The following GPHN variants were observed in gnomAD, a reference collection of about 807,000 sequenced individuals.
GPHN encodes gephyrin.
A neutral mutation model predicts 95.5 loss-of-function variants in GPHN; 17 were observed. The ratio of observed to expected loss-of-function variants is 0.18; its 90% CI spans 0.12 to 0.27. The LOEUF (loss-of-function observed/expected upper bound fraction) is 0.27. Ranked by LOEUF, GPHN falls within the 10% of genes least tolerant of loss-of-function variation. GPHN has a pLI of 1.00. For synonymous variants in GPHN, 320 were observed against 322.5 expected (o/e 0.99, Z 0.08); for missense variants, 660 against 978.1 (o/e 0.67, Z 4.34).
At chr14:67,417,141 G>A in the GPHN span, among the ~76,000 whole-genome samples, 11 of 152,326 alleles carry the variant, frequency 7.2e-5, no homozygotes, top group South Asian at 1.0e-3. Flanking sequence ...CTGCTCTTGA[G>A]TATGGGTTCT....
chr14:67,536,846 G>C, the GPHN span, among the ~76,000 whole-genome samples: 5 of 151,804 alleles, frequency 3.3e-5, no homozygotes, highest in African/African-American at 1.2e-4. Flanking sequence ...AGTTTGACCA[G>C]ACTGGCCAAC....
the GPHN span, among the ~76,000 whole-genome samples, chr14:67,412,488 T>C: frequency 1.3e-5 from 2 of 152,070 alleles, no homozygotes. Flanking sequence ...CTGAGCTCAT[T>C]GCAAGTAGGA....
chr14:67,589,484 G>A, the GPHN span: 1 of 984,840 alleles, frequency 1.0e-6, no homozygotes, highest in Non-Finnish European at 1.2e-6. Flanking sequence ...CACCATGACT[G>A]AAATACTATG....
At chr14:67,552,739 C>T in the GPHN span, among the ~76,000 whole-genome samples, 4 of 150,722 alleles carry the variant, frequency 2.7e-5, no homozygotes, top group African/African-American at 9.8e-5. Context: ...TGCACTCCAG[C>T]CTGGGCGACA....
the GPHN span, chr14:67,657,272 T>C: frequency 3.0e-4 from 45 of 152,252 alleles, 1 homozygote; most frequent in African/African-American, 1.1e-3. Flanking sequence ...CACTACCACA[T>C]TCTGGAAAAA....
chr14:67,316,797 A>AATAT, the GPHN span: 14 of 1,564,428 alleles, frequency 8.9e-6, no homozygotes, highest in Non-Finnish European at 1.1e-5. Context: ...TTTTATCTTA[A>AATAT]ATATTTTACC....
At chr14:66,518,931 A>G (rs1378824153) in intron 1 of GPHN, among the ~76,000 whole-genome samples, 1 of 152,042 alleles carries the variant, frequency 6.6e-6, no homozygotes, top group Non-Finnish European at 1.5e-5. Flanking sequence ...TTGTAGGGTG[A>G]CTATAGTTAA....
At chr14:67,572,283 C>A in the GPHN span, 1 of 1,588,362 alleles carries the variant, frequency 6.3e-7, no homozygotes, top group Non-Finnish European at 8.5e-7. Flanking sequence ...GCGGGGTGAG[C>A]CGGGAAACGG....
chr14:66,559,305 A>C lies in GPHN; in HGVS notation c.64+50714A>C, dbSNP rs1213028973. Among the ~76,000 whole-genome samples, 11 of 149,212 alleles carry C rather than the reference A, an allele frequency of 7.4e-5. No individual in the cohort carries two copies. The South Asian group carries it at 8.7e-4, about 12-fold the overall frequency. On this transcript the variant is annotated intron_variant, in intron 1 of 22. Coordinates refer to ENST00000478722, the MANE Select transcript of GPHN (RefSeq NM_020806.5). ...TATTTCTATTTCTAGATCCCTGAGGAATCACCACACTGACTTCCACAATGG... is the reference window on the plus strand; with the variant it reads ...TATTTCTATTTCTAGATCCCTGAGGCATCACCACACTGACTTCCACAATGG...
chr14:67,439,281 A>G, the GPHN span, among the ~76,000 whole-genome samples: 3 of 152,222 alleles, frequency 2.0e-5, no homozygotes, highest in Admixed American at 6.5e-5. Flanking sequence ...TTAGAATAGT[A>G]TCAGGAATGG....
At position 66,720,740 on chromosome 14, in the gene GPHN, C is replaced by G. The variant is rs187827046; in HGVS notation, c.143+39555C>G. Among the ~76,000 whole-genome samples the G allele has an allele frequency of 2.6e-5, 4 of 152,164 alleles. No individual in the cohort carries two copies. In the East Asian group the frequency reaches 7.7e-4, roughly 29 times the overall value. On this transcript the variant is annotated intron_variant, in intron 2 of 22. Coordinates refer to ENST00000478722, the MANE Select transcript of GPHN (RefSeq NM_020806.5). Reference sequence around the variant, plus strand: ...CTAGGCCAGGCATGGTGGCTTATGCCTGTAATCTCAGCATTTTTGGAGTCC... The same window carrying G: ...CTAGGCCAGGCATGGTGGCTTATGCGTGTAATCTCAGCATTTTTGGAGTCC...
At chr14:67,592,867 C>A in the GPHN span, 1 of 541,542 alleles carries the variant, frequency 1.8e-6, no homozygotes, top group South Asian at 2.2e-5. Flanking sequence ...CTCACTGCAA[C>A]CTCTACCTCC....
At chr14:67,207,396 T>TA in the GPHN span, among the ~76,000 whole-genome samples, 1 of 152,006 alleles carries the variant, frequency 6.6e-6, no homozygotes, top group East Asian at 1.9e-4. Context: ...CGCATCAACT[T>TA]AGAGTGAGAA....
chr14:67,672,385 C>T, the GPHN span, among the ~76,000 whole-genome samples: 2 of 151,726 alleles, frequency 1.3e-5, no homozygotes, highest in African/African-American at 2.4e-5. Flanking sequence ...TCCCCAAGTG[C>T]TGGGATTACA....
At chr14:67,687,330 A>C in the GPHN span, among the ~76,000 whole-genome samples, 1 of 151,940 alleles carries the variant, frequency 6.6e-6, no homozygotes, top group Non-Finnish European at 1.5e-5. Context: ...TACCTACCTC[A>C]CCAGTCTCAG....
the GPHN span, chr14:67,651,013 A>G: frequency 7.8e-7 from 1 of 1,281,868 alleles, no homozygotes; most frequent in Non-Finnish European, 1.1e-6. Context: ...GTCTGGGTCA[A>G]TACTGCCTTA....
Position 66,508,457 on chromosome 14 carries a change from G to T in GPHN, c.-71G>T, listed in dbSNP as rs1048754820. ...CTGTCGCGCTCTCCTCGGCGAGCGC[G>T]CTCCCGGCCCGCGCGCTCCGGGCTC... On this transcript the variant is annotated 5_prime_UTR_variant, in exon 1 of 23. Coordinates refer to ENST00000478722, the MANE Select transcript of GPHN (RefSeq NM_020806.5). 2.8e-6 allele frequency: 4 copies of T among 1,423,140 alleles called. No individual in the cohort carries two copies. The African/African-American group carries it at 5.6e-5, about 20-fold the overall frequency. 88.2% of individuals were successfully genotyped at this position (1,423,140 alleles called of 1,614,324 possible).
chr14:67,145,021 C>T (rs1239640240), intron 18 of GPHN, among the ~76,000 whole-genome samples: 1 of 151,660 alleles, frequency 6.6e-6, no homozygotes, highest in African/African-American at 2.4e-5. Flanking sequence ...CCTGAGATCA[C>T]AAAGGCTAGG....
At chr14:66,654,925 G>T (rs918925764) in intron 1 of GPHN, among the ~76,000 whole-genome samples, 1 of 152,064 alleles carries the variant, frequency 6.6e-6, no homozygotes, top group African/African-American at 2.4e-5. Flanking sequence ...AATCGGTTGG[G>T]CATATTTGTG....
Sources: gnomAD v4.1 joint callset for allele counts (sites outside exome capture counted in the v4.1 genomes callset) on GRCh38, gnomAD v4.1.1 for gene constraint, MANE v1.5 for transcripts, NCBI Gene and HGNC (gene_info 2026-07-23, HGNC 2026-07-21) for gene names.